PTBP3: variants seen among roughly 807,000 people sequenced by gnomAD.
The protein encoded by PTBP3 is polypyrimidine tract binding protein 3, also known as polypyrimidine tract-binding protein 3.
PTBP3 carries 20 observed loss-of-function variants against 58.7 expected under a neutral mutation model. That is an observed-to-expected ratio of 0.34 (90% CI 0.24 to 0.50). The LOEUF is 0.50. Ranked by LOEUF, PTBP3 falls within the 20% of genes least tolerant of loss-of-function variation. PTBP3 has a pLI of 0.98. For synonymous variants in PTBP3, 185 were observed against 219.8 expected (o/e 0.84, Z 1.40); for missense variants, 509 against 637.2 (o/e 0.80, Z 2.17).
At chr9:112,322,134 CAAAA>C (rs149553072) in intron 1 of PTBP3, among the ~76,000 whole-genome samples, 1 of 68,360 alleles carries the variant, frequency 1.5e-5, no homozygotes, top group Admixed American at 2.0e-4. Flanking sequence ...GACTCCATCT[CAAAA>C]AAAAAAAAAA....
At position 112,231,181 on chromosome 9, in the gene PTBP3, T is replaced by A. The variant is rs193198833; in HGVS notation, c.1054+199A>T. 1.7e-3 allele frequency among the ~76,000 whole-genome samples: 250 copies of A among 150,440 alleles called. 22 individuals are homozygous for A. Among genetic ancestry groups the A allele is most frequent in the African/African-American group, 6.1e-3 (243 of 39,868 alleles). ...CTCTGCTAGGTTAGGTCTCCCTGCG[T>A]TACACTCCCTTTACAAAACCTATAT... On this transcript the variant is annotated intron_variant, in intron 10 of 13. Coordinates refer to ENST00000374257, the MANE Select transcript of PTBP3 (RefSeq NM_001163788.4).
intron 4 of PTBP3, 108 bp downstream of exon 4, chr9:112,267,941 G>A (rs1465759085): frequency 9.6e-7 from 1 of 1,038,332 alleles, no homozygotes; most frequent in African/African-American, 1.6e-5. Flanking sequence ...GACTAGTAAA[G>A]TATCCTAAAA....
At chr9:112,371,921 T>C in the PTBP3 span, among the ~76,000 whole-genome samples, 1 of 152,038 alleles carries the variant, frequency 6.6e-6, no homozygotes, top group Non-Finnish European at 1.5e-5. Context: ...TTTGTTTTAT[T>C]TTTTGTAGAG....
chr9:112,347,790 G>C, the PTBP3 span, among the ~76,000 whole-genome samples: 1 of 152,182 alleles, frequency 6.6e-6, no homozygotes, highest in Admixed American at 6.6e-5. Flanking sequence ...CAGCATAGTG[G>C]TTACTTCAGG....
chr9:112,333,352 C>G, intron 1 of PTBP3, 118 bp downstream of exon 1: 3 of 1,211,660 alleles, frequency 2.5e-6, no homozygotes, highest in East Asian at 3.2e-5. Flanking sequence ...TGGCCGGGGC[C>G]GCTCCTCCGG....
At chr9:112,292,434 C>A (rs7020880) in intron 2 of PTBP3, among the ~76,000 whole-genome samples, 127,872 of 152,116 alleles carry the variant, frequency 0.84, 54,036 homozygotes, top group African/African-American at 0.92. Context: ...TGGTATATAC[C>A]AAAGAATTAA....
At chr9:112,295,763 A>G (rs1828652926) in intron 2 of PTBP3, among the ~76,000 whole-genome samples, 1 of 152,220 alleles carries the variant, frequency 6.6e-6, no homozygotes, top group South Asian at 2.1e-4. Context: ...ACCTAAAAAC[A>G]TGGAATCATA....
chr9:112,257,761 G>A (rs1367068817), intron 5 of PTBP3, among the ~76,000 whole-genome samples: 1 of 152,174 alleles, frequency 6.6e-6, no homozygotes, highest in East Asian at 1.9e-4. Flanking sequence ...CCAACATGGC[G>A]AAATCCCTCC....
In PTBP3 at chr9:112,219,478, G is replaced by C. The variant is rs1834205368; in HGVS notation, c.*4373C>G. On this transcript the variant is annotated 3_prime_UTR_variant, in exon 14 of 14. Transcript: ENST00000374257. ...ATGACTATGATCACCAAGGTCACTG[G>C]ACCAGACAAATATCCCTGTTCTCTG... 1 of 152,398 alleles carries C rather than the reference G, an allele frequency of 6.6e-6. No homozygotes were observed. The allele number at this position is 152,398 out of a possible 1,614,324, so 9.4% of individuals were successfully genotyped here.
intron 2 of PTBP3, among the ~76,000 whole-genome samples, chr9:112,284,027 T>G (rs956877660): frequency 6.6e-6 from 1 of 152,204 alleles, no homozygotes; most frequent in African/African-American, 2.4e-5. Context: ...TGGAAATACC[T>G]GGATGTCCAG....
Position 112,250,943 on chromosome 9 carries a change from A to G in PTBP3, c.788T>C (p.Met263Thr). 3.7e-6 allele frequency: 6 copies of G among 1,600,814 alleles called. No homozygotes were observed. The highest frequency in any genetic ancestry group is 4.3e-6 in the Non-Finnish European group (5 of 1,174,206). ...GAACTACTCACCAAAAGCAGCAGCC[A>G]TAGGGGGTTCAAGGGATGGCTGGCC... ...GDGQPSLEPP[M>T]AAAFGAPGII... The change falls in exon 7 of 14, where the codon ATG (methionine) becomes ACG (threonine). Residue 263 changes from methionine (M) to threonine (T), a missense_variant. Coordinates refer to ENST00000374257, the MANE Select transcript of PTBP3 (RefSeq NM_001163788.4).
At chr9:112,346,196 C>T in the PTBP3 span, among the ~76,000 whole-genome samples, 4 of 151,498 alleles carry the variant, frequency 2.6e-5, no homozygotes. Context: ...GAAACGAAGT[C>T]TTGCTCTGTG....
At chr9:112,272,054 C>T (rs1309188590) in intron 3 of PTBP3, among the ~76,000 whole-genome samples, 1 of 151,726 alleles carries the variant, frequency 6.6e-6, no homozygotes, top group African/African-American at 2.4e-5. Flanking sequence ...AGATTTTGTC[C>T]CCCATCTCAC....
intron 1 of PTBP3, among the ~76,000 whole-genome samples, chr9:112,322,564 C>T (rs1323300058): frequency 6.6e-6 from 1 of 152,188 alleles, no homozygotes; most frequent in African/African-American, 2.4e-5. Context: ...GAAGAAAATC[C>T]TAGCCAGAAT....
intron 7 of PTBP3, among the ~76,000 whole-genome samples, chr9:112,243,903 C>T (rs910917659): frequency 6.6e-6 from 1 of 151,978 alleles, no homozygotes; most frequent in Non-Finnish European, 1.5e-5. Flanking sequence ...AAGTAACTTG[C>T]CCAAGATTAC....
intron 1 of PTBP3, among the ~76,000 whole-genome samples, chr9:112,305,706 C>T (rs1829159477): frequency 6.6e-6 from 1 of 151,988 alleles, no homozygotes; most frequent in Non-Finnish European, 1.5e-5. Context: ...TTTGGGAGGC[C>T]GAGGGGGGCG....
At chr9:112,355,998 C>T in the PTBP3 span, among the ~76,000 whole-genome samples, 2 of 148,058 alleles carry the variant, frequency 1.4e-5, no homozygotes, top group African/African-American at 2.5e-5. Flanking sequence ...CTTTCTCTTT[C>T]TTTTCTTTCC....
intron 2 of PTBP3, among the ~76,000 whole-genome samples, chr9:112,288,097 T>C (rs1387794150): frequency 2.0e-5 from 3 of 152,232 alleles, no homozygotes; most frequent in African/African-American, 7.2e-5. Flanking sequence ...TACACTGTTT[T>C]GGAGTTTGTT....
chr9:112,314,832 ATTT>A (rs35142599), intron 1 of PTBP3, among the ~76,000 whole-genome samples: 3 of 141,392 alleles, frequency 2.1e-5, no homozygotes, highest in Admixed American at 7.2e-5. Flanking sequence ...TCCCACTGAC[ATTT>A]TTTTTTTTTT....
Sources: gnomAD v4.1 joint callset for allele counts (sites outside exome capture counted in the v4.1 genomes callset) on GRCh38, gnomAD v4.1.1 for gene constraint, MANE v1.5 for transcripts, NCBI Gene and HGNC (gene_info 2026-07-23, HGNC 2026-07-21) for gene names.